AGBL4: variants seen among roughly 807,000 people sequenced by gnomAD.
AGBL4 encodes the protein cytosolic carboxypeptidase 6.
AGBL4 carries 58 observed loss-of-function variants against 66.4 expected under a neutral mutation model. The observed-to-expected ratio is 0.87, with a 90% confidence interval of 0.71 to 1.09. AGBL4 has a LOEUF of 1.09. Ranked by LOEUF, AGBL4 falls within the 50% of genes least tolerant of loss-of-function variation. The pLI is 0.00. For missense variants in AGBL4, 579 were observed against 631.0 expected (o/e 0.92, Z 0.88); for synonymous variants, 234 against 222.9 (o/e 1.05, Z -0.44).
intron 6 of AGBL4, among the ~76,000 whole-genome samples, chr1:48,733,684 C>T (rs1458950708): frequency 1.3e-5 from 2 of 152,042 alleles, no homozygotes; most frequent in Admixed American, 6.5e-5. Context: ...CCTAGGCAGC[C>T]CTGACTATCT....
chr1:48,563,382 C>T (rs953412010), intron 11 of AGBL4, among the ~76,000 whole-genome samples: 6 of 152,146 alleles, frequency 3.9e-5, no homozygotes, highest in Admixed American at 6.5e-5. Context: ...AACCACTGGG[C>T]AGAGACTGGC....
intron 6 of AGBL4, among the ~76,000 whole-genome samples, chr1:48,775,073 T>C (rs1645010901): frequency 6.6e-6 from 1 of 152,202 alleles, no homozygotes; most frequent in South Asian, 2.1e-4. Context: ...CCTCAGGTAA[T>C]TAAAGGCAAG....
chr1:49,722,654 T>A (rs1449451445), intron 2 of AGBL4, among the ~76,000 whole-genome samples: 1 of 152,182 alleles, frequency 6.6e-6, no homozygotes, highest in Non-Finnish European at 1.5e-5. Flanking sequence ...TTTAAGTGGA[T>A]GTACTATTGA....
chr1:49,763,362 G>A (rs1652485997), intron 2 of AGBL4, among the ~76,000 whole-genome samples: 1 of 152,200 alleles, frequency 6.6e-6, no homozygotes, highest in Admixed American at 6.5e-5. Context: ...CCAAGGTACT[G>A]TGCCTTTCCA....
intron 3 of AGBL4, among the ~76,000 whole-genome samples, chr1:49,449,697 T>G (rs945164272): frequency 2.0e-5 from 3 of 151,642 alleles, no homozygotes; most frequent in Non-Finnish European, 4.4e-5. Context: ...TGTACGGTGG[T>G]TTTTCTTGGA....
intron 4 of AGBL4, among the ~76,000 whole-genome samples, chr1:49,153,022 A>G (rs1311094427): frequency 6.6e-6 from 1 of 152,040 alleles, no homozygotes; most frequent in Non-Finnish European, 1.5e-5. Context: ...ATGGAAGGGG[A>G]GAGGTGGGAA....
At chr1:49,223,919 A>G (rs997966509) in intron 4 of AGBL4, among the ~76,000 whole-genome samples, 1 of 152,234 alleles carries the variant, frequency 6.6e-6, no homozygotes, top group Admixed American at 6.5e-5. Context: ...GAAAGTAAGC[A>G]TGGCAGTAAG....
intron 11 of AGBL4, among the ~76,000 whole-genome samples, chr1:48,561,367 A>G (rs1644394846): frequency 6.6e-6 from 1 of 151,928 alleles, no homozygotes; most frequent in African/African-American, 2.4e-5. Context: ...GTACCACTGG[A>G]TGATCAATGA....
intron 4 of AGBL4, among the ~76,000 whole-genome samples, chr1:49,205,221 T>C (rs569581680): frequency 6.6e-6 from 1 of 152,204 alleles, no homozygotes; most frequent in East Asian, 1.9e-4. Context: ...CTAAAGTGAC[T>C]CTTTGGAAAT....
Position 49,059,195 on chromosome 1 carries a change from C to T in AGBL4, c.378-13395G>A, listed in dbSNP as rs866887176. On this transcript the variant is annotated intron_variant, in intron 4 of 13. Transcript: ENST00000371839. Reference sequence around the variant, plus strand: ...GGGAAAAAATGGTTTCATGGCAGGGCCCAGGGACCCCTGCTCTGTGCAGCC... The same window carrying T: ...GGGAAAAAATGGTTTCATGGCAGGGTCCAGGGACCCCTGCTCTGTGCAGCC... Among the ~76,000 whole-genome samples the T allele has an allele frequency of 1.2e-4, 18 of 152,292 alleles. 1 individual carries two copies. Among genetic ancestry groups the T allele is most frequent in the African/African-American group, 3.6e-4 (15 of 41,572 alleles).
intron 1 of AGBL4, among the ~76,000 whole-genome samples, chr1:49,952,319 C>T (rs1656231590): frequency 6.6e-6 from 1 of 151,572 alleles, no homozygotes; most frequent in Admixed American, 6.6e-5. Context: ...GGGAATGATA[C>T]AGTAAACAAA....
chr1:50,000,051 A>G (rs916578623), intron 1 of AGBL4, among the ~76,000 whole-genome samples: 2 of 152,176 alleles, frequency 1.3e-5, no homozygotes, highest in African/African-American at 4.8e-5. Context: ...CAAATGCAAC[A>G]AAAACAAAGA....
intron 4 of AGBL4, among the ~76,000 whole-genome samples, chr1:49,121,042 G>T (rs1354898353): frequency 6.6e-6 from 1 of 152,098 alleles, no homozygotes; most frequent in Non-Finnish European, 1.5e-5. Flanking sequence ...TCATGCCATG[G>T]TTTTCAGCTC....
intron 6 of AGBL4, among the ~76,000 whole-genome samples, chr1:48,836,342 A>C (rs1488811884): frequency 1.3e-5 from 2 of 150,880 alleles, no homozygotes; most frequent in Non-Finnish European, 3.0e-5. Flanking sequence ...CCATAGGATT[A>C]GGTAATCCTT....
chr1:48,890,762 G>A (rs1193667981), intron 5 of AGBL4, among the ~76,000 whole-genome samples: 1 of 152,182 alleles, frequency 6.6e-6, no homozygotes, highest in Non-Finnish European at 1.5e-5. Flanking sequence ...AGCATCCCAG[G>A]GTGAGCTCAG....
At chr1:49,481,855 A>T (rs1646962639) in intron 3 of AGBL4, among the ~76,000 whole-genome samples, 1 of 151,570 alleles carries the variant, frequency 6.6e-6, no homozygotes, top group Non-Finnish European at 1.5e-5. Context: ...ATTTTATCAA[A>T]AGGCTTTTCT....
intron 6 of AGBL4, among the ~76,000 whole-genome samples, chr1:48,684,698 T>C (rs894742049): frequency 6.6e-6 from 1 of 151,882 alleles, no homozygotes. Flanking sequence ...ACACCAGGGT[T>C]AATCCAAAAA....
At chr1:49,715,138 C>G (rs960228368) in intron 2 of AGBL4, among the ~76,000 whole-genome samples, 2 of 152,050 alleles carry the variant, frequency 1.3e-5, no homozygotes, top group African/African-American at 2.4e-5. Flanking sequence ...CCAACAGGCT[C>G]TGGTGTGTGA....
intron 3 of AGBL4, among the ~76,000 whole-genome samples, chr1:49,393,214 T>C (rs889938246): frequency 6.6e-6 from 1 of 152,176 alleles, no homozygotes; most frequent in Non-Finnish European, 1.5e-5. Flanking sequence ...GTATTAGTAG[T>C]GGTACTAGTA....
Sources: gnomAD v4.1 joint callset for allele counts (sites outside exome capture counted in the v4.1 genomes callset) on GRCh38, gnomAD v4.1.1 for gene constraint, MANE v1.5 for transcripts, NCBI Gene and HGNC (gene_info 2026-07-23, HGNC 2026-07-21) for gene names.